PEX3: variants seen among roughly 807,000 people sequenced by gnomAD.
PEX3 encodes peroxisomal biogenesis factor 3, also known as peroxin-3.
PEX3 carries 30 observed loss-of-function variants against 55.8 expected under a neutral mutation model. The observed-to-expected ratio is 0.54, with a 90% CI of 0.40 to 0.73. The LOEUF is 0.73. Among genes scored for constraint, PEX3 ranks in the 30% least tolerant of loss-of-function variants. The pLI is 0.00. For synonymous variants in PEX3, 135 were observed against 148.4 expected (o/e 0.91, Z 0.66); for missense variants, 351 against 432.8 (o/e 0.81, Z 1.68).
At position 143,474,523 on chromosome 6, in the gene PEX3, A is replaced by G. The variant is rs73580315; in HGVS notation, c.748-263A>G. On this transcript the variant is annotated intron_variant, in intron 8 of 11. Coordinates refer to ENST00000367591, the MANE Select transcript of PEX3 (RefSeq NM_003630.3). ...ACCTATTTCTTCTTTGTCTGACTAT[A>G]CTAGAAATCTATCCAAGAAGGGCCA... Among the ~76,000 whole-genome samples, 2,519 of 152,100 alleles carry G rather than the reference A, an allele frequency of 0.017. 67 individuals are homozygous for G. The highest frequency in any genetic ancestry group is 0.058 in the African/African-American group (2,415 of 41,504).
chr6:143,453,876 C>T lies in PEX3; in HGVS notation c.73+2761C>T, dbSNP rs1363729124. Among the ~76,000 whole-genome samples, 1 of 152,102 alleles carries T rather than the reference C, an allele frequency of 6.6e-6. No individual in the cohort carries two copies. Among genetic ancestry groups the T allele is most frequent in the Non-Finnish European group, 1.5e-5 (1 of 68,018 alleles). Reference sequence around the variant, plus strand: ...TACAGGCATGAGCCACTGAGCCTGGCATAATTTGACCAGTTTGTGAAAAGA... The same window carrying T: ...TACAGGCATGAGCCACTGAGCCTGGTATAATTTGACCAGTTTGTGAAAAGA... On this transcript the variant is annotated intron_variant, in intron 1 of 11. Coordinates refer to ENST00000367591, the MANE Select transcript of PEX3 (RefSeq NM_003630.3). The surrounding 1 kb of genome is among the most constrained non-coding windows in gnomAD (Gnocchi z 4.6).
intron 4 of PEX3, among the ~76,000 whole-genome samples, chr6:143,468,816 C>G (rs992016254): frequency 2.2e-5 from 3 of 134,852 alleles, no homozygotes; most frequent in African/African-American, 8.0e-5. Flanking sequence ...CCCCCCCCCA[C>G]CCCACGACAG....
intron 9 of PEX3, among the ~76,000 whole-genome samples, chr6:143,478,609 A>G (rs1161109527): frequency 6.6e-6 from 1 of 151,966 alleles, no homozygotes; most frequent in Non-Finnish European, 1.5e-5. Flanking sequence ...TATAATTAAG[A>G]TCAAAAAACC....
chr6:143,477,641 A>G (rs566831186), intron 9 of PEX3, among the ~76,000 whole-genome samples: 2 of 152,218 alleles, frequency 1.3e-5, no homozygotes, highest in East Asian at 3.9e-4. Context: ...CCTATTTCTC[A>G]TTTCTTTCAT....
At position 143,471,619 on chromosome 6, in the gene PEX3, AT is replaced by A; in HGVS notation, c.578+13del. On this transcript the variant is annotated intron_variant, in intron 7 of 11. Coordinates refer to ENST00000367591, the MANE Select transcript of PEX3 (RefSeq NM_003630.3). The surrounding 1 kb of genome is among the most constrained non-coding windows in gnomAD (Gnocchi z 5.4). ...GCAGAAGGTTTTAGGAAGGTAAGGC[AT>A]TTTTCTTTGACTTTTCTGACTTCTT... 1.2e-6 allele frequency: 2 copies of A among 1,605,046 alleles called. No individual in the cohort carries two copies. Among genetic ancestry groups the A allele is most frequent in the Non-Finnish European group, 1.7e-6 (2 of 1,172,364 alleles).
chr6:143,460,873 A>G (rs1386383319), intron 2 of PEX3, among the ~76,000 whole-genome samples: 1 of 151,916 alleles, frequency 6.6e-6, no homozygotes, highest in Non-Finnish European at 1.5e-5. Flanking sequence ...TCAAAAAAAA[A>G]AAAAAAAAAA....
chr6:143,484,210 A>G (rs1484400871), intron 10 of PEX3, among the ~76,000 whole-genome samples: 2 of 152,172 alleles, frequency 1.3e-5, no homozygotes, highest in Non-Finnish European at 2.9e-5. Flanking sequence ...ACATACATAC[A>G]GTGATACATA....
Position 143,471,174 on chromosome 6 carries a change from A to G in PEX3, c.456+89A>G. 8.2e-7 allele frequency: 1 copy of G among 1,214,302 alleles called. No homozygotes were observed. The allele number at this position is 1,214,302 out of a possible 1,614,324, so 75.2% of individuals were successfully genotyped here. The stretch of plus-strand genomic sequence containing the variant: ...TTATCCTGATAACAATTTCTATGAA[A>G]TAAATATTTTTATATTTCATGTGAT... On this transcript the variant is annotated intron_variant, in intron 5 of 11. Transcript: ENST00000367591. The surrounding 1 kb of genome is among the most constrained non-coding windows in gnomAD (Gnocchi z 5.4).
rs1289001499 is a variant in PEX3, at chr6:143,482,713, G to A, written c.942-2439G>A. Among the ~76,000 whole-genome samples the A allele has an allele frequency of 6.6e-6, 1 of 151,916 alleles. No individual in the cohort carries two copies. Among genetic ancestry groups the A allele is most frequent in the Non-Finnish European group, 1.5e-5 (1 of 67,930 alleles). ...CCAGAAGTAGCCCTAAAAATTGTAG[G>A]ATGTTAGTAATGATTGTGGGCAAAA... On this transcript the variant is annotated intron_variant, in intron 10 of 11. Transcript: ENST00000367591. This position sits in a 1 kb window ranked among gnomAD's most constrained non-coding sequence, Gnocchi z 5.5.
chr6:143,459,105 T>C lies in PEX3; in HGVS notation c.94T>C (p.Tyr32His). 1 of 1,596,406 alleles carries C rather than the reference T, an allele frequency of 6.3e-7. No individual in the cohort carries two copies. The change falls in exon 2 of 12, where the codon TAT (tyrosine) becomes CAT (histidine). Residue 32 changes from tyrosine (Y) to histidine (H), a missense_variant. Coordinates refer to ENST00000367591, the MANE Select transcript of PEX3 (RefSeq NM_003630.3). The surrounding 1 kb of genome is among the most constrained non-coding windows in gnomAD (Gnocchi z 4.2). The stretch of plus-strand genomic sequence containing the variant: ...TGTAGGAGTATATATTCTGGGGAAA[T>C]ATGGACAGAAGAAAATCAGAGAAAT... ...VLGGVYILGKYGQKKIREIQE... is the reference protein window; with the variant it reads ...VLGGVYILGKHGQKKIREIQE...
intron 1 of PEX3, among the ~76,000 whole-genome samples, chr6:143,455,516 A>G (rs1312057777): frequency 1.3e-5 from 2 of 151,554 alleles, no homozygotes; most frequent in Non-Finnish European, 2.9e-5. Context: ...CGCCCTGCCC[A>G]TTTAGGGGTA....
chr6:143,481,050 A>G (rs1301338707), intron 10 of PEX3, among the ~76,000 whole-genome samples: 1 of 151,272 alleles, frequency 6.6e-6, no homozygotes, highest in Non-Finnish European at 1.5e-5. Flanking sequence ...ACTATTGGCA[A>G]AGACACAAAG....
In PEX3 at chr6:143,489,244, A is replaced by G. The variant is rs775827622; in HGVS notation, c.*18A>G. 1 of 1,358,618 alleles carries G rather than the reference A, an allele frequency of 7.4e-7. No individual in the cohort carries two copies. Among genetic ancestry groups the G allele is most frequent in the Non-Finnish European group, 1.1e-6 (1 of 946,976 alleles). 84.2% of individuals were successfully genotyped at this position (1,358,618 alleles called of 1,614,324 possible). On this transcript the variant is annotated 3_prime_UTR_variant, in exon 12 of 12. Transcript: ENST00000367591. This position sits in a 1 kb window ranked among gnomAD's most constrained non-coding sequence, Gnocchi z 5.5. ...AGAAATGATTTTTCCTTCAAGAAAA[A>G]CTACAGTGGGATTCATTTACTTTTT...
rs1743197671 is a variant in PEX3, at chr6:143,479,331, G to T, written c.941+133G>T. On this transcript the variant is annotated intron_variant, in intron 10 of 11. Transcript: ENST00000367591. This position sits in a 1 kb window ranked among gnomAD's most constrained non-coding sequence, Gnocchi z 4.6. ...CTCATTTTTTAACAAATTAAACTCT[G>T]TTAAACCAACAACTTCTTCACTAGC... The T allele has an allele frequency of 1.5e-6, 1 of 680,346 alleles. No homozygotes were observed. Among genetic ancestry groups the T allele is most frequent in the African/African-American group, 1.8e-5 (1 of 55,658 alleles). 42.1% of individuals were successfully genotyped at this position (680,346 alleles called of 1,614,324 possible).
chr6:143,451,691 T>C lies in PEX3; in HGVS notation c.73+576T>C, dbSNP rs565705596. On this transcript the variant is annotated intron_variant, in intron 1 of 11. Coordinates refer to ENST00000367591, the MANE Select transcript of PEX3 (RefSeq NM_003630.3). The surrounding 1 kb of genome is among the most constrained non-coding windows in gnomAD (Gnocchi z 4.1). ...CATTTTAGAATACAAACTATGGCAG[T>C]AAGAAAAATGCTTGAGGGATGTTGT... Among the ~76,000 whole-genome samples, 5 of 152,320 alleles carry C rather than the reference T, an allele frequency of 3.3e-5. No individual in the cohort carries two copies. The highest frequency in any genetic ancestry group is 9.6e-5 in the African/African-American group (4 of 41,574).
chr6:143,475,062 A>G lies in PEX3; in HGVS notation c.818+206A>G, dbSNP rs17072662. Among the ~76,000 whole-genome samples the G allele has an allele frequency of 0.038, 5,726 of 152,212 alleles. 358 individuals carry two copies. The highest frequency in any genetic ancestry group is 0.13 in the African/African-American group (5,377 of 41,514). ...TTAGGGTAACTCAGCTACTAACTCT[A>G]CTATCTGAATTCATCGAGTTCCAGT... is the stretch of plus-strand genomic sequence containing the variant. On this transcript the variant is annotated intron_variant, in intron 9 of 11. Transcript: ENST00000367591. The surrounding 1 kb of genome is among the most constrained non-coding windows in gnomAD (Gnocchi z 4.4).
Position 143,459,129 on chromosome 6 carries a change from A to G in PEX3, c.118A>G (p.Ile40Val), listed in dbSNP as rs754437626. The G allele has an allele frequency of 6.2e-7, 1 of 1,604,184 alleles. No homozygotes were observed. The highest frequency in any genetic ancestry group is 1.7e-5 in the Admixed American group (1 of 60,014). The change falls in exon 2 of 12, where the codon ATA (isoleucine) becomes GTA (valine). Residue 40 changes from isoleucine to valine, a missense_variant. Physicochemically the swap from Ile to Val is conservative, Grantham distance 29 (BLOSUM62 3). Coordinates refer to ENST00000367591, the MANE Select transcript of PEX3 (RefSeq NM_003630.3). The surrounding 1 kb of genome is among the most constrained non-coding windows in gnomAD (Gnocchi z 4.2). ...ATATGGACAGAAGAAAATCAGAGAA[A>G]TACAGGAAAGGGAGGCTGCAGAATA... ...GKYGQKKIRE[I>V]QEREAAEYIA...
intron 3 of PEX3, 96 bp from the exon 4 acceptor site, chr6:143,468,025 AT>A (rs1237032899): frequency 1.7e-5 from 12 of 725,420 alleles, no homozygotes; most frequent in East Asian, 5.6e-5. Context: ...GTTGCTTTTA[AT>A]TTTTTTTAAA....
At chr6:143,455,554 A>G (rs1048726870) in intron 1 of PEX3, among the ~76,000 whole-genome samples, 1 of 151,886 alleles carries the variant, frequency 6.6e-6, no homozygotes, top group Non-Finnish European at 1.5e-5. Flanking sequence ...TAAAGGCTAC[A>G]TTTTTAATTG....
Sources: gnomAD v4.1 joint callset for allele counts (sites outside exome capture counted in the v4.1 genomes callset) on GRCh38, gnomAD v4.1.1 for gene constraint, Gnocchi (gnomAD v3.1) non-coding constraint, MANE v1.5 for transcripts, NCBI Gene and HGNC (gene_info 2026-07-23, HGNC 2026-07-21) for gene names.